Variants in LARGE1 observed in about 807,000 individuals in gnomAD.
LARGE1 encodes xylosyl- and glucuronyltransferase LARGE1.
Under a neutral mutation model 87.6 loss-of-function variants are expected in LARGE1, and 43 were observed. The observed-to-expected ratio is 0.49, with a 90% confidence interval of 0.38 to 0.63. The LOEUF (loss-of-function observed/expected upper bound fraction) is 0.63. Ranked by LOEUF, LARGE1 falls within the 30% of genes least tolerant of loss-of-function variation. The pLI is 0.00. For synonymous variants in LARGE1, 434 were observed against 394.6 expected (o/e 1.10, Z -1.18); for missense variants, 802 against 1,000.2 (o/e 0.80, Z 2.67).
intron 6 of LARGE1, among the ~76,000 whole-genome samples, chr22:33,465,734 A>G (rs2068580548): frequency 6.6e-6 from 1 of 152,212 alleles, no homozygotes; most frequent in African/African-American, 2.4e-5. Context: ...GACAAAGTGC[A>G]CTGCTGATGT....
intron 6 of LARGE1, among the ~76,000 whole-genome samples, chr22:33,557,592 G>A (rs545386617): frequency 6.6e-6 from 1 of 152,276 alleles, no homozygotes; most frequent in East Asian, 1.9e-4. Context: ...TTTTGAGACA[G>A]TCTCGCTCTG....
At chr22:33,634,037 C>T (rs116349918) in intron 3 of LARGE1, among the ~76,000 whole-genome samples, 1,737 of 152,288 alleles carry the variant, frequency 0.011, 36 homozygotes, top group African/African-American at 0.039. Context: ...AAACAGCTAC[C>T]GATTGGGTTG....
intron 1 of LARGE1, among the ~76,000 whole-genome samples, chr22:33,807,428 A>G (rs2086347218): frequency 6.6e-6 from 1 of 152,134 alleles, no homozygotes; most frequent in African/African-American, 2.4e-5. Flanking sequence ...GATTTCCCAT[A>G]TACCTCCTGC....
chr22:33,480,103 A>C (rs1481341583), intron 6 of LARGE1, among the ~76,000 whole-genome samples: 6 of 152,072 alleles, frequency 3.9e-5, no homozygotes, highest in South Asian at 2.1e-4. Context: ...CAAGACGCTG[A>C]CCCTGCCCCC....
At chr22:33,688,848 A>G (rs2082016244) in intron 2 of LARGE1, among the ~76,000 whole-genome samples, 1 of 151,388 alleles carries the variant, frequency 6.6e-6, no homozygotes, top group African/African-American at 2.4e-5. Flanking sequence ...TATTTCTTCC[A>G]CTTCTGATTG....
chr22:33,719,192 T>C (rs2083003658), intron 2 of LARGE1, among the ~76,000 whole-genome samples: 1 of 152,224 alleles, frequency 6.6e-6, no homozygotes, highest in Non-Finnish European at 1.5e-5. Context: ...TGTACAGCTA[T>C]ACAATGCGTT....
chr22:33,387,815 T>C (rs946961329), intron 7 of LARGE1, among the ~76,000 whole-genome samples: 5 of 152,214 alleles, frequency 3.3e-5, no homozygotes, highest in Non-Finnish European at 7.3e-5. Context: ...TTCAAAACAA[T>C]AGAAAAGCAC....
intron 9 of LARGE1, among the ~76,000 whole-genome samples, chr22:33,348,649 G>A (rs76608779): frequency 0.018 from 2,739 of 152,046 alleles, 99 homozygotes; most frequent in African/African-American, 0.063. Context: ...CCAGTACAGG[G>A]AGCCATCGTC....
intron 9 of LARGE1, among the ~76,000 whole-genome samples, chr22:33,342,725 C>T (rs567089120): frequency 6.0e-4 from 91 of 152,260 alleles, no homozygotes; most frequent in Admixed American, 1.8e-3. Context: ...AGCCTCATCC[C>T]GCTCTGCATC....
intron 9 of LARGE1, among the ~76,000 whole-genome samples, chr22:33,352,066 C>G (rs1342188230): frequency 6.6e-6 from 1 of 152,138 alleles, no homozygotes; most frequent in Admixed American, 6.5e-5. Context: ...GTGGAGAAAC[C>G]TAGCAAACAT....
chr22:33,791,268 T>C (rs2085814917), intron 1 of LARGE1, among the ~76,000 whole-genome samples: 1 of 152,152 alleles, frequency 6.6e-6, no homozygotes, highest in Non-Finnish European at 1.5e-5. Context: ...AGTATCCTTA[T>C]GGCTGGCCAA....
intron 11 of LARGE1, among the ~76,000 whole-genome samples, chr22:33,235,929 A>C (rs1402807231): frequency 2.0e-5 from 3 of 152,248 alleles, no homozygotes; most frequent in Non-Finnish European, 2.9e-5. Context: ...AGATGAGATC[A>C]TACTGGATTA....
chr22:33,175,751 T>C (rs145502215), intron 11 of LARGE1, among the ~76,000 whole-genome samples: 2,280 of 152,298 alleles, frequency 0.015, 43 homozygotes, highest in African/African-American at 0.048. Flanking sequence ...ATAGATTCAA[T>C]GCTATCCCCA....
chr22:33,661,611 T>G (rs972962806), intron 2 of LARGE1, among the ~76,000 whole-genome samples: 9 of 152,112 alleles, frequency 5.9e-5, no homozygotes, highest in Non-Finnish European at 8.8e-5. Flanking sequence ...CAGCAGCTAT[T>G]TGAGGATGCC....
the LARGE1 span, among the ~76,000 whole-genome samples, chr22:33,144,038 C>G: frequency 6.6e-6 from 1 of 152,074 alleles, no homozygotes; most frequent in Non-Finnish European, 1.5e-5. Context: ...TATGTTTACT[C>G]TTTATTTTCT....
Position 33,471,805 on chromosome 22 carries a change from C to T in LARGE1, c.788-39540G>A, listed in dbSNP as rs555429596. On this transcript the variant is annotated intron_variant, in intron 6 of 14. Coordinates refer to ENST00000397394, the MANE Select transcript of LARGE1 (RefSeq NM_133642.5). Reference sequence around the variant, plus strand: ...ATCCCAGCACTTTGGGAGGCCGAGGCGGGCGCATCATGAGGTCAGGAGTTC... The same window carrying T: ...ATCCCAGCACTTTGGGAGGCCGAGGTGGGCGCATCATGAGGTCAGGAGTTC... Among the ~76,000 whole-genome samples the T allele has an allele frequency of 2.4e-4, 37 of 152,154 alleles. No individual in the cohort carries two copies. The East Asian group carries it at 3.9e-3, about 16-fold the overall frequency.
intron 2 of LARGE1, among the ~76,000 whole-genome samples, chr22:33,722,584 C>T (rs2083141628): frequency 6.6e-6 from 1 of 152,128 alleles, no homozygotes; most frequent in Non-Finnish European, 1.5e-5. Flanking sequence ...GGAAATACAT[C>T]ATTCCTGCCC....
At chr22:33,887,310 C>T (rs1237219559) in intron 1 of LARGE1, among the ~76,000 whole-genome samples, 2 of 152,184 alleles carry the variant, frequency 1.3e-5, no homozygotes, top group African/African-American at 2.4e-5. Context: ...AGAGCTCCCT[C>T]GCCCCTTCTT....
At chr22:33,349,539 A>G (rs1940158201) in intron 9 of LARGE1, among the ~76,000 whole-genome samples, 2 of 152,162 alleles carry the variant, frequency 1.3e-5, no homozygotes, top group African/African-American at 4.8e-5. Flanking sequence ...GTTCTATCCA[A>G]CTTTGCATGC....
Sources: gnomAD v4.1 joint callset for allele counts (sites outside exome capture counted in the v4.1 genomes callset) on GRCh38, gnomAD v4.1.1 for gene constraint, MANE v1.5 for transcripts, NCBI Gene and HGNC (gene_info 2026-07-23, HGNC 2026-07-21) for gene names.